MCM9: variants seen among roughly 807,000 people sequenced by gnomAD.
MCM9 encodes DNA helicase MCM9.
Under a neutral mutation model 72.8 loss-of-function variants are expected in MCM9, and 55 were observed. The ratio of observed to expected loss-of-function variants is 0.76; its 90% CI spans 0.61 to 0.95. The LOEUF (loss-of-function observed/expected upper bound fraction) is 0.95, where lower values mean the gene tolerates loss of function less well. Among genes scored for constraint, MCM9 ranks in the 40% least tolerant of loss-of-function variants. MCM9 has a pLI of 0.00. For missense variants in MCM9, 1,279 were observed against 1,377.0 expected, an observed-to-expected ratio of 0.93 and a Z score of 1.13; for synonymous variants, 480 against 503.4, an observed-to-expected ratio of 0.95 and a Z score of 0.62.
intron 8 of MCM9, among the ~76,000 whole-genome samples, chr6:118,871,900 C>T (rs1336972203): frequency 1.3e-5 from 2 of 151,868 alleles, no homozygotes; most frequent in Non-Finnish European, 2.9e-5. Flanking sequence ...AAGGAGACTC[C>T]GTCTCAAAAA....
Position 118,904,590 on chromosome 6 carries a change from C to T in MCM9, c.1150+7060G>A, listed in dbSNP as rs551773805. Among the ~76,000 whole-genome samples the T allele has an allele frequency of 9.2e-5, 14 of 152,324 alleles. No individual in the cohort carries two copies. The East Asian group carries it at 2.3e-3, about 25-fold the overall frequency. On this transcript the variant is annotated intron_variant, in intron 8 of 13. Transcript: ENST00000619706. ...ACCACGGATGGGGCCCTGCCCTTCG[C>T]TCATGCTCTTAGTCTAGTCTAACTC...
At chr6:118,918,418 A>T (rs1294693479) in intron 5 of MCM9, 2 of 152,386 alleles carry the variant, frequency 1.3e-5, no homozygotes, top group East Asian at 3.9e-4. Context: ...GTTCTCTCCT[A>T]CCTGAGGAAA....
chr6:118,894,858 C>T (rs556847356), intron 8 of MCM9, among the ~76,000 whole-genome samples: 1 of 152,218 alleles, frequency 6.6e-6, no homozygotes, highest in South Asian at 2.1e-4. Flanking sequence ...GGCTCCGCGC[C>T]GCCAACAGCC....
At chr6:118,894,443 G>T in intron 8 of MCM9, 1 of 1,537,144 alleles carries the variant, frequency 6.5e-7, no homozygotes. Flanking sequence ...ACAATGTAGT[G>T]GTGCTGGATA....
chr6:118,875,578 G>C (rs1777881350), intron 8 of MCM9, among the ~76,000 whole-genome samples: 1 of 152,016 alleles, frequency 6.6e-6, no homozygotes, highest in Non-Finnish European at 1.5e-5. Context: ...CAAGGCTGCA[G>C]TGAGCCATGT....
intron 13 of MCM9, among the ~76,000 whole-genome samples, chr6:118,819,043 T>C (rs1773605282): frequency 6.6e-6 from 1 of 152,226 alleles, no homozygotes; most frequent in African/African-American, 2.4e-5. Flanking sequence ...GTTTTCTAAA[T>C]ATACAATCAT....
chr6:118,900,675 A>T, intron 8 of MCM9: 1 of 882,424 alleles, frequency 1.1e-6, no homozygotes, highest in Non-Finnish European at 1.9e-6. Context: ...TAAAGCCAGT[A>T]AGTGGCTAAG....
intron 8 of MCM9, among the ~76,000 whole-genome samples, chr6:118,861,238 G>A (rs1304530342): frequency 2.0e-5 from 3 of 152,166 alleles, no homozygotes; most frequent in African/African-American, 7.2e-5. Context: ...GAACACGATG[G>A]TGCCCAAAAA....
intron 1 of MCM9, chr6:118,934,472 G>A (rs1028089034): frequency 3.9e-5 from 6 of 151,904 alleles, no homozygotes; most frequent in African/African-American, 1.4e-4. Flanking sequence ...CTGTCTCCGG[G>A]AATCGCGGCA....
At chr6:118,911,609 TGAAGTAATGTTAA>T (rs1241222428) in intron 8 of MCM9, 28 bp downstream of exon 8, 3 of 1,584,708 alleles carry the variant, frequency 1.9e-6, no homozygotes, top group Non-Finnish European at 2.6e-6. Context: ...TGTTAACTTC[TGAAGTAATGTTAA>T]ATTACTTGAA....
chr6:118,894,570 C>A, intron 8 of MCM9: 1 of 1,453,916 alleles, frequency 6.9e-7, no homozygotes, highest in Non-Finnish European at 9.3e-7. Context: ...GGGCTGCAGA[C>A]GTTGAAAGTT....
chr6:118,828,838 G>A (rs1447644700), intron 10 of MCM9, among the ~76,000 whole-genome samples: 2 of 152,124 alleles, frequency 1.3e-5, no homozygotes, highest in Non-Finnish European at 2.9e-5. Flanking sequence ...AGTCTCATTA[G>A]TGGCAGGTAG....
At chr6:118,881,310 T>C (rs1778272789) in intron 8 of MCM9, among the ~76,000 whole-genome samples, 1 of 152,170 alleles carries the variant, frequency 6.6e-6, no homozygotes, top group Non-Finnish European at 1.5e-5. Flanking sequence ...CGCATCTAGA[T>C]AAGAACGTTT....
At chr6:118,874,768 C>T (rs1189151729) in intron 8 of MCM9, among the ~76,000 whole-genome samples, 5 of 152,212 alleles carry the variant, frequency 3.3e-5, no homozygotes, top group African/African-American at 7.2e-5. Context: ...AAGTCAATTG[C>T]TTTCCTATAT....
chr6:118,876,467 G>A (rs1777938625), intron 8 of MCM9, among the ~76,000 whole-genome samples: 1 of 152,196 alleles, frequency 6.6e-6, no homozygotes, highest in African/African-American at 2.4e-5. Flanking sequence ...AGAGAAGGTT[G>A]TATGCATGGC....
chr6:118,906,749 A>G (rs1780205273), intron 8 of MCM9, among the ~76,000 whole-genome samples: 1 of 152,200 alleles, frequency 6.6e-6, no homozygotes, highest in Non-Finnish European at 1.5e-5. Context: ...GGGAACTATA[A>G]CAGTTTGGTA....
intron 9 of MCM9, among the ~76,000 whole-genome samples, chr6:118,847,215 ACTTTT>A (rs775895745): frequency 6.3e-4 from 95 of 151,790 alleles, no homozygotes; most frequent in Admixed American, 1.3e-4. Flanking sequence ...GCATGTTCTC[ACTTTT>A]AAGTGGGAGC....
Sources: gnomAD v4.1 joint callset for allele counts (sites outside exome capture counted in the v4.1 genomes callset) on GRCh38, gnomAD v4.1.1 for gene constraint, MANE v1.5 for transcripts, NCBI Gene and HGNC (gene_info 2026-07-23, HGNC 2026-07-21) for gene names.